Variants in CREB5 observed in about 807,000 individuals in gnomAD.
CREB5 encodes the protein cyclic AMP-responsive element-binding protein 5.
Under a neutral mutation model 57.1 loss-of-function variants are expected in CREB5, and 19 were observed. The observed-to-expected ratio is 0.33, with a 90% confidence interval of 0.23 to 0.49. The LOEUF (loss-of-function observed/expected upper bound fraction) is 0.49. CREB5 is among the 20% of genes least tolerant of loss of function. The probability of loss-of-function intolerance (pLI) is 0.99; values close to 1 mark genes in which losing one functional copy is unlikely to be tolerated. For missense variants in CREB5, 579 were observed against 671.6 expected, an observed-to-expected ratio of 0.86 and a Z score of 1.52; for synonymous variants, 238 against 238.3, an observed-to-expected ratio of 1.00 and a Z score of 0.01.
At chr7:28,543,433 T>C (rs986330256) in intron 4 of CREB5, among the ~76,000 whole-genome samples, 1 of 152,228 alleles carries the variant, frequency 6.6e-6, no homozygotes, top group Non-Finnish European at 1.5e-5. Flanking sequence ...TTTATGCAAA[T>C]GAGATTGTTT....
intron 1 of CREB5, among the ~76,000 whole-genome samples, chr7:28,456,407 T>C (rs1443161024): frequency 6.6e-6 from 1 of 152,202 alleles, no homozygotes; most frequent in African/African-American, 2.4e-5. Flanking sequence ...CTAGTTTATT[T>C]CCTTTGCTCT....
At chr7:28,643,766 GA>G (rs368530292) in intron 5 of CREB5, among the ~76,000 whole-genome samples, 86,867 of 141,452 alleles carry the variant, frequency 0.61, 27,078 homozygotes, top group East Asian at 0.89. Flanking sequence ...GGGGGCGGAA[GA>G]AAAAAAAAAA....
intron 7 of CREB5, among the ~76,000 whole-genome samples, chr7:28,796,578 A>T (rs1248455987): frequency 6.6e-6 from 1 of 152,206 alleles, no homozygotes; most frequent in East Asian, 1.9e-4. Context: ...GCTTAAGGTG[A>T]TCAACCAAGG....
chr7:28,797,196 T>C (rs1339058426), intron 7 of CREB5, among the ~76,000 whole-genome samples: 3 of 152,192 alleles, frequency 2.0e-5, no homozygotes, highest in Non-Finnish European at 4.4e-5. Context: ...ACCTAGCACT[T>C]AGTCTGATCA....
intron 5 of CREB5, among the ~76,000 whole-genome samples, chr7:28,637,061 G>A (rs548257744): frequency 1.3e-5 from 2 of 152,156 alleles, no homozygotes; most frequent in African/African-American, 4.8e-5. Context: ...GGCTGAGGTG[G>A]TAGGATCACT....
At chr7:28,326,063 A>AG (rs1785593640) in intron 1 of CREB5, among the ~76,000 whole-genome samples, 3 of 152,174 alleles carry the variant, frequency 2.0e-5, no homozygotes, top group Non-Finnish European at 4.4e-5. Flanking sequence ...GCATTTAGTA[A>AG]CCAAGATATG....
At chr7:28,787,320 C>G (rs1204269553) in intron 7 of CREB5, among the ~76,000 whole-genome samples, 1 of 152,170 alleles carries the variant, frequency 6.6e-6, no homozygotes, top group Non-Finnish European at 1.5e-5. Flanking sequence ...CTCCTTGTTT[C>G]TTATTTAGTA....
At chr7:28,720,173 T>C (rs1460148379) in intron 6 of CREB5, among the ~76,000 whole-genome samples, 1 of 152,252 alleles carries the variant, frequency 6.6e-6, no homozygotes, top group African/African-American at 2.4e-5. Context: ...CCTGGCGTTG[T>C]GCTTTGGTGA....
chr7:28,436,719 G>A (rs1468616099), intron 1 of CREB5, among the ~76,000 whole-genome samples: 1 of 151,910 alleles, frequency 6.6e-6, no homozygotes, highest in Non-Finnish European at 1.5e-5. Context: ...TTTAGCATTA[G>A]GTTTGAAATG....
At chr7:28,685,865 C>T (rs1174504500) in intron 5 of CREB5, 2 of 350,366 alleles carry the variant, frequency 5.7e-6, no homozygotes, top group African/African-American at 2.1e-5. Context: ...TGGAACTCAG[C>T]CTGGGGCTGT....
Position 28,741,997 on chromosome 7 carries a change from C to T in CREB5, c.702+17665C>T, listed in dbSNP as rs549969049. ...AGAAGAATTGCTTGAACCCGGGAGG[C>T]GGAGGTTGCAGTGAGCAGAGATCAC... On this transcript the variant is annotated intron_variant, in intron 7 of 10. Transcript: ENST00000357727. Among the ~76,000 whole-genome samples, 30 of 142,796 alleles carry T rather than the reference C, an allele frequency of 2.1e-4. No homozygotes were observed. In the East Asian group the frequency reaches 5.1e-3, roughly 24 times the overall value. 93.7% of individuals were successfully genotyped at this position (142,796 alleles called of 152,430 possible). A position where few individuals can be genotyped will look rare whatever the true frequency, so the allele number is the denominator to read the frequency against.
Position 28,640,570 on chromosome 7 carries a change from T to A in CREB5, c.464+70033T>A, listed in dbSNP as rs183967632. Among the ~76,000 whole-genome samples the A allele has an allele frequency of 7.7e-4, 117 of 152,328 alleles. 1 individual carries two copies. Among genetic ancestry groups the A allele is most frequent in the African/African-American group, 2.8e-3 (115 of 41,574 alleles). ...AAATTACATAGAAAGTGTTTCTATA[T>A]TTTATGGCGATCACAAGAAAGAACT... On this transcript the variant is annotated intron_variant, in intron 5 of 10. Transcript: ENST00000357727.
intron 5 of CREB5, among the ~76,000 whole-genome samples, chr7:28,683,922 T>G (rs928512480): frequency 2.0e-5 from 3 of 152,050 alleles, no homozygotes; most frequent in Admixed American, 2.0e-4. Flanking sequence ...TTTGGAAAAC[T>G]CTACCACATA....
At chr7:28,598,421 C>T (rs748089380) in intron 5 of CREB5, among the ~76,000 whole-genome samples, 22 of 152,094 alleles carry the variant, frequency 1.4e-4, no homozygotes, top group Non-Finnish European at 2.2e-4. Flanking sequence ...GCAACCATTC[C>T]GAGGGCTGGG....
At chr7:28,789,586 T>A (rs1807543097) in intron 7 of CREB5, among the ~76,000 whole-genome samples, 1 of 152,236 alleles carries the variant, frequency 6.6e-6, no homozygotes, top group South Asian at 2.1e-4. Flanking sequence ...CAACTGATGT[T>A]ACAGAGATTT....
At chr7:28,435,648 A>T in intron 1 of CREB5, 1 of 985,290 alleles carries the variant, frequency 1.0e-6, no homozygotes, top group South Asian at 4.7e-5. Context: ...TTCTGAAACG[A>T]TCTCATTTAC....
chr7:28,700,740 G>T (rs1257423151), intron 5 of CREB5, among the ~76,000 whole-genome samples: 2 of 151,978 alleles, frequency 1.3e-5, no homozygotes, highest in African/African-American at 4.8e-5. Context: ...TATCTTGATG[G>T]CCTTATTTAT....
intron 1 of CREB5, among the ~76,000 whole-genome samples, chr7:28,456,456 C>T (rs1790096848): frequency 6.6e-6 from 1 of 152,142 alleles, no homozygotes; most frequent in African/African-American, 2.4e-5. Flanking sequence ...CGGATGCTCT[C>T]ACTCATGGTT....
At chr7:28,389,272 G>T (rs1811250) in intron 1 of CREB5, among the ~76,000 whole-genome samples, 112,362 of 152,098 alleles carry the variant, frequency 0.74, 41,825 homozygotes, top group East Asian at 0.97. Context: ...TAGCAAATCT[G>T]AGACTAGAGA....
Sources: gnomAD v4.1 joint callset for allele counts (sites outside exome capture counted in the v4.1 genomes callset) on GRCh38, gnomAD v4.1.1 for gene constraint, MANE v1.5 for transcripts, NCBI Gene and HGNC (gene_info 2026-07-23, HGNC 2026-07-21) for gene names.